Variants in UNC79 observed in about 807,000 individuals in gnomAD.
UNC79 encodes protein unc-79 homolog.
A neutral mutation model predicts 283.1 loss-of-function variants in UNC79; 37 were observed. That is an observed-to-expected ratio of 0.13 (90% CI 0.10 to 0.17). The LOEUF (loss-of-function observed/expected upper bound fraction) is 0.17. Among genes scored for constraint, UNC79 ranks in the 10% least tolerant of loss-of-function variants. The probability of loss-of-function intolerance (pLI) is 1.00; values close to 1 mark genes in which losing one functional copy is unlikely to be tolerated. For missense variants in UNC79, 2,272 were observed against 3,211.1 expected (o/e 0.71, Z 7.07); for synonymous variants, 1,107 against 1,200.2 (o/e 0.92, Z 1.61).
At chr14:93,392,406 T>C (rs1343059750) in intron 1 of UNC79, among the ~76,000 whole-genome samples, 2 of 152,172 alleles carry the variant, frequency 1.3e-5, no homozygotes, top group African/African-American at 2.4e-5. Context: ...TACATACTTA[T>C]GGGAAGGGTA....
At chr14:93,539,593 GT>G (rs1244195404) in intron 12 of UNC79, among the ~76,000 whole-genome samples, 2 of 152,020 alleles carry the variant, frequency 1.3e-5, no homozygotes, top group Non-Finnish European at 2.9e-5. Flanking sequence ...AGTCTTTTCT[GT>G]TTCTCTTATC....
intron 1 of UNC79, among the ~76,000 whole-genome samples, chr14:93,341,604 C>CAAA (rs952789518): frequency 8.0e-5 from 5 of 62,722 alleles, no homozygotes; most frequent in Admixed American, 1.9e-4. Flanking sequence ...TCTGTCTCTA[C>CAAA]AAAAAAAAAA....
Position 93,586,923 on chromosome 14 carries a change from T to C in UNC79, c.3032+15T>C. ...TTGATTGCAAGGTACGTCTTCCTAA[T>C]GGTTTGTTTTGATTGTTTATACATT... On this transcript the variant is annotated intron_variant, in intron 22 of 48. Transcript: ENST00000555664. 2 of 1,611,460 alleles carry C rather than the reference T, an allele frequency of 1.2e-6. No individual in the cohort carries two copies. Among genetic ancestry groups the C allele is most frequent in the Non-Finnish European group, 1.7e-6 (2 of 1,179,330 alleles).
rs2057165332 is a variant in UNC79 at position 93,466,068 on chromosome 14, GA to G, written c.23-1596del. 3.3e-5 allele frequency among the ~76,000 whole-genome samples: 5 copies of G among 152,014 alleles called. No homozygotes were observed. The South Asian group carries it at 1.0e-3, about 32-fold the overall frequency. On this transcript the variant is annotated intron_variant, in intron 1 of 48. Coordinates refer to ENST00000555664, the Ensembl canonical transcript of UNC79. Reference sequence around the variant, plus strand: ...TTTCAAGTATCACCTATTATCTCAGGAAAAAAAGTTATTTACTACCAAATAT... The same window carrying G: ...TTTCAAGTATCACCTATTATCTCAGGAAAAAAGTTATTTACTACCAAATAT...
chr14:93,489,019 G>T (rs2058594588), intron 5 of UNC79, among the ~76,000 whole-genome samples: 1 of 152,200 alleles, frequency 6.6e-6, no homozygotes, highest in Non-Finnish European at 1.5e-5. Context: ...ATGGCTCACT[G>T]CAGCCTTGAC....
chr14:93,431,111 G>A (rs2055855966), intron 1 of UNC79, 60 bp downstream of exon 1: 1 of 690,970 alleles, frequency 1.4e-6, no homozygotes, highest in South Asian at 1.5e-5. Flanking sequence ...TTGCAGCTGC[G>A]GCGTTTGCGG....
intron 41 of UNC79, among the ~76,000 whole-genome samples, chr14:93,677,954 CTCTT>C (rs1240395335): frequency 6.6e-6 from 1 of 152,138 alleles, no homozygotes; most frequent in African/African-American, 2.4e-5. Flanking sequence ...GGCCTAGTGC[CTCTT>C]TCTAGGGTTT....
intron 1 of UNC79, among the ~76,000 whole-genome samples, chr14:93,394,351 C>CATTTTATTTTA (rs779142641): frequency 8.0e-6 from 1 of 124,724 alleles, no homozygotes; most frequent in African/African-American, 3.0e-5. Context: ...ATGCAATTGT[C>CATTTTATTTTA]TTTTATTTTA....
chr14:93,401,933 T>C (rs887323408), intron 1 of UNC79, among the ~76,000 whole-genome samples: 1 of 152,130 alleles, frequency 6.6e-6, no homozygotes, highest in Admixed American at 6.6e-5. Flanking sequence ...CAAAAGCCTC[T>C]CACACAGGAC....
intron 1 of UNC79, among the ~76,000 whole-genome samples, chr14:93,350,122 C>T (rs1342739774): frequency 6.6e-6 from 1 of 152,094 alleles, no homozygotes; most frequent in Non-Finnish European, 1.5e-5. Flanking sequence ...AAAATGTTCA[C>T]ATCTGATAGT....
intron 17 of UNC79, 122 bp downstream of exon 17, chr14:93,575,320 G>C: frequency 8.2e-7 from 1 of 1,213,434 alleles, no homozygotes; most frequent in Non-Finnish European, 1.2e-6. Flanking sequence ...CCATCTCGCT[G>C]TGTTCATCTT....
chr14:93,607,811 AC>A (rs1476042304), intron 26 of UNC79, among the ~76,000 whole-genome samples: 2 of 152,234 alleles, frequency 1.3e-5, no homozygotes, highest in East Asian at 3.9e-4. Flanking sequence ...TCTTGCATTG[AC>A]CTTTCCTGTC....
At chr14:93,551,742 T>G (rs144747932) in intron 14 of UNC79, among the ~76,000 whole-genome samples, 13 of 152,356 alleles carry the variant, frequency 8.5e-5, no homozygotes, top group Admixed American at 3.9e-4. Context: ...TGGGAATGTA[T>G]GAAAGAATGC....
intron 32 of UNC79, 128 bp downstream of exon 35, chr14:93,637,427 A>C: frequency 6.8e-7 from 1 of 1,465,686 alleles, no homozygotes; most frequent in Non-Finnish European, 9.0e-7. Context: ...CTTTGCCCAA[A>C]CACCCCCAGT....
intron 35 of UNC79, among the ~76,000 whole-genome samples, chr14:93,649,695 C>A (rs2070031115): frequency 6.6e-6 from 1 of 152,152 alleles, no homozygotes; most frequent in Non-Finnish European, 1.5e-5. Context: ...ATTAACATAT[C>A]ACCTCACATA....
In UNC79 at chr14:93,348,264, A is replaced by G. The variant is rs954576156; in HGVS notation, c.-351+14741A>G. 47 of 615,964 alleles carry G rather than the reference A, an allele frequency of 7.6e-5. No homozygotes were observed. In the East Asian group the frequency reaches 1.3e-3, roughly 17 times the overall value. 38.2% of individuals were successfully genotyped at this position (615,964 alleles called of 1,614,324 possible). Reference sequence around the variant, plus strand: ...CTCATGTTTATGATGAATATTTTGCACTTTTTTAGTACTGTGCATTATATA... The same window carrying G: ...CTCATGTTTATGATGAATATTTTGCGCTTTTTTAGTACTGTGCATTATATA... On this transcript the variant is annotated intron_variant, in intron 1 of 49. Coordinates refer to the UNC79 transcript ENST00000256339.
At chr14:93,385,545 G>A (rs1595414015) in intron 1 of UNC79, among the ~76,000 whole-genome samples, 2 of 152,044 alleles carry the variant, frequency 1.3e-5, no homozygotes, top group Non-Finnish European at 1.5e-5. Flanking sequence ...TTGGGAGGCC[G>A]AGGTGGGCGG....
At chr14:93,673,188 C>CT (rs928093492) in intron 40 of UNC79, among the ~76,000 whole-genome samples, 163 bp from the exon 44 acceptor site, 60 of 151,834 alleles carry the variant, frequency 4.0e-4, no homozygotes, top group African/African-American at 9.9e-4. Flanking sequence ...ACAAAAATGC[C>CT]TTTTTTTTGT....
intron 13 of UNC79, among the ~76,000 whole-genome samples, chr14:93,541,166 TCAA>T (rs1028285803): frequency 8.5e-5 from 13 of 152,284 alleles, no homozygotes; most frequent in Admixed American, 3.9e-4. Flanking sequence ...GTATATATTG[TCAA>T]GTACTGGATT....
Sources: allele counts gnomAD v4.1 joint callset (sites outside exome capture counted in the v4.1 genomes callset), GRCh38; gene constraint gnomAD v4.1.1; transcripts MANE v1.5; gene names NCBI Gene and HGNC (gene_info 2026-07-23, HGNC 2026-07-21).